UBE2D1: variants seen among roughly 807,000 people sequenced by gnomAD.
UBE2D1 encodes ubiquitin conjugating enzyme E2 D1, also known as ubiquitin-conjugating enzyme E2 D1.
A neutral mutation model predicts 24.6 loss-of-function variants in UBE2D1; 9 were observed. The ratio of observed to expected loss-of-function variants is 0.37; its 90% CI spans 0.22 to 0.64. The LOEUF (loss-of-function observed/expected upper bound fraction) is 0.64. Ranked by LOEUF, UBE2D1 falls within the 30% of genes least tolerant of loss-of-function variation. The pLI is 0.64. For missense variants in UBE2D1, 87 were observed against 177.1 expected, an observed-to-expected ratio of 0.49 and a Z score of 2.89; for synonymous variants, 57 against 57.6, an observed-to-expected ratio of 0.99 and a Z score of 0.04.
At chr10:58,358,158 CAGTA>C (rs1398661558) in intron 1 of UBE2D1, among the ~76,000 whole-genome samples, 1 of 152,024 alleles carries the variant, frequency 6.6e-6, no homozygotes, top group Non-Finnish European at 1.5e-5. Flanking sequence ...TAAAGAAAAT[CAGTA>C]TGTATTTGTG....
At chr10:58,354,696 G>A (rs1018246262) in intron 1 of UBE2D1, among the ~76,000 whole-genome samples, 5 of 151,964 alleles carry the variant, frequency 3.3e-5, no homozygotes, top group African/African-American at 4.8e-5. Context: ...CTAGCTGGGC[G>A]TGGTGGTACA....
At position 58,354,443 on chromosome 10, in the gene UBE2D1, T is replaced by C. The variant is rs553325833; in HGVS notation, c.25-6895T>C. 2.1e-4 allele frequency among the ~76,000 whole-genome samples: 32 copies of C among 152,180 alleles called. No individual in the cohort carries two copies. In the South Asian group the frequency reaches 6.4e-3, roughly 31 times the overall value. On this transcript the variant is annotated intron_variant, in intron 1 of 6. Transcript: ENST00000373910. ...AGTACCCCTTTAATTTTTTTTTTTT[T>C]GGTTGCCACTGAACAAATTAACCTT...
intron 5 of UBE2D1, among the ~76,000 whole-genome samples, chr10:58,365,292 C>A (rs753357688): frequency 6.6e-6 from 1 of 151,952 alleles, no homozygotes; most frequent in Non-Finnish European, 1.5e-5. Context: ...ACATAGGAGA[C>A]CCCATCTCTG....
rs1388935064 is a variant in UBE2D1 at position 58,370,084 on chromosome 10, A to G, written c.*1319A>G. 1.3e-5 allele frequency: 2 copies of G among 151,864 alleles called. No individual in the cohort carries two copies. Among genetic ancestry groups the G allele is most frequent in the Admixed American group, 1.3e-4 (2 of 15,246 alleles). 9.4% of individuals were successfully genotyped at this position (151,864 alleles called of 1,614,324 possible). A position where few individuals can be genotyped will look rare whatever the true frequency, so the allele number is the denominator to read the frequency against. Reference sequence around the variant, plus strand: ...TTTTTACTATAGAAGTTACAAAGGAAGTTCTAAAATTATGCCTCCCTCTGT... The same window carrying G: ...TTTTTACTATAGAAGTTACAAAGGAGGTTCTAAAATTATGCCTCCCTCTGT... On this transcript the variant is annotated 3_prime_UTR_variant, in exon 7 of 7. Transcript: ENST00000373910.
At chr10:58,366,072 A>G (rs1301089806) in intron 5 of UBE2D1, among the ~76,000 whole-genome samples, 1 of 148,004 alleles carries the variant, frequency 6.8e-6, no homozygotes, top group Non-Finnish European at 1.5e-5. Flanking sequence ...GTCATGCATT[A>G]GATATATGAA....
intron 1 of UBE2D1, among the ~76,000 whole-genome samples, chr10:58,336,581 C>A (rs1427197346): frequency 6.6e-6 from 1 of 152,162 alleles, no homozygotes; most frequent in East Asian, 1.9e-4. Flanking sequence ...CAATCAGCAT[C>A]AGCATTTATT....
intron 3 of UBE2D1, among the ~76,000 whole-genome samples, chr10:58,362,859 T>G (rs1840215329): frequency 6.6e-6 from 1 of 152,118 alleles, no homozygotes; most frequent in African/African-American, 2.4e-5. Flanking sequence ...TATATTTAAT[T>G]AAATATGAAA....
At chr10:58,363,717 C>T (rs541180851) in intron 4 of UBE2D1, 31 bp downstream of exon 4, 1 of 1,473,266 alleles carries the variant, frequency 6.8e-7, no homozygotes, top group East Asian at 2.3e-5. Context: ...GATGTGACTC[C>T]CATGTAAGAG....
At chr10:58,345,330 C>T (rs1403607524) in intron 1 of UBE2D1, among the ~76,000 whole-genome samples, 1 of 151,994 alleles carries the variant, frequency 6.6e-6, no homozygotes, top group African/African-American at 2.4e-5. Context: ...TAAAAAATAG[C>T]TCAGCATCGT....
At chr10:58,341,364 A>C (rs1588996340) in intron 1 of UBE2D1, among the ~76,000 whole-genome samples, 1 of 152,326 alleles carries the variant, frequency 6.6e-6, no homozygotes, top group East Asian at 1.9e-4. Flanking sequence ...TTTTGGGATA[A>C]ATGGTTTTCC....
At chr10:58,356,981 C>T (rs995108088) in intron 1 of UBE2D1, among the ~76,000 whole-genome samples, 2 of 152,064 alleles carry the variant, frequency 1.3e-5, no homozygotes, top group African/African-American at 4.8e-5. Flanking sequence ...CTTATGAAAT[C>T]GTTATTGGGA....
At chr10:58,347,671 G>A (rs1397927947) in intron 1 of UBE2D1, among the ~76,000 whole-genome samples, 2 of 145,118 alleles carry the variant, frequency 1.4e-5, no homozygotes, top group Non-Finnish European at 1.5e-5. Context: ...CCCCGAGACG[G>A]AGTTTTGCTC....
intron 1 of UBE2D1, among the ~76,000 whole-genome samples, chr10:58,342,458 T>G (rs573407934): frequency 6.6e-6 from 1 of 152,238 alleles, no homozygotes; most frequent in African/African-American, 2.4e-5. Context: ...GTGGCCACCC[T>G]CCTTATGCGA....
chr10:58,346,010 CTTTTT>C (rs972974578), intron 1 of UBE2D1, among the ~76,000 whole-genome samples: 1 of 136,494 alleles, frequency 7.3e-6, no homozygotes. Context: ...GGAGCTAATA[CTTTTT>C]TTTTTTTTTT....
At chr10:58,344,744 G>A (rs1221486943) in intron 1 of UBE2D1, among the ~76,000 whole-genome samples, 1 of 151,962 alleles carries the variant, frequency 6.6e-6, no homozygotes, top group Admixed American at 6.6e-5. Flanking sequence ...ACATAACGTG[G>A]TTCTCTAATT....
chr10:58,346,131 C>T (rs1840013274), intron 1 of UBE2D1, among the ~76,000 whole-genome samples: 1 of 151,956 alleles, frequency 6.6e-6, no homozygotes, highest in Non-Finnish European at 1.5e-5. Context: ...CTGCCTCAGC[C>T]TCCCAAGTAG....
rs1003937324 is a variant in UBE2D1, at chr10:58,370,114, A to G, written c.*1349A>G. ...TAAAATTATGCCTCCCTCTGTTTTT[A>G]TAAGTTGCCATCGAAAAGTGATTTA... On this transcript the variant is annotated 3_prime_UTR_variant, in exon 7 of 7. Transcript: ENST00000373910. 6 of 150,368 alleles carry G rather than the reference A, an allele frequency of 4.0e-5. No individual in the cohort carries two copies. Among genetic ancestry groups the G allele is most frequent in the African/African-American group, 1.5e-4 (6 of 40,848 alleles). The allele number at this position is 150,368 out of a possible 1,614,324, so 9.3% of individuals were successfully genotyped here.
chr10:58,351,229 A>G (rs1230670651), intron 1 of UBE2D1, among the ~76,000 whole-genome samples: 2 of 152,204 alleles, frequency 1.3e-5, no homozygotes, highest in African/African-American at 2.4e-5. Context: ...TTCTTTCTTC[A>G]ATAATAAATT....
chr10:58,342,909 A>G (rs1839977613), intron 1 of UBE2D1, among the ~76,000 whole-genome samples: 1 of 147,630 alleles, frequency 6.8e-6, no homozygotes, highest in Non-Finnish European at 1.5e-5. Flanking sequence ...GGCTCACTGC[A>G]ACCTCTGCTT....
Sources: allele counts gnomAD v4.1 joint callset (sites outside exome capture counted in the v4.1 genomes callset), GRCh38; gene constraint gnomAD v4.1.1; transcripts MANE v1.5; gene names NCBI Gene and HGNC (gene_info 2026-07-23, HGNC 2026-07-21).